TIAM1: variants seen among roughly 807,000 people sequenced by gnomAD.
TIAM1 encodes rho guanine nucleotide exchange factor TIAM1.
Under a neutral mutation model 163.5 loss-of-function variants are expected in TIAM1, and 65 were observed. That is an observed-to-expected ratio of 0.40 (90% CI 0.33 to 0.49). The LOEUF is 0.49. TIAM1 is among the 20% of genes least tolerant of loss of function. The probability of loss-of-function intolerance (pLI) is 0.77; values close to 1 mark genes in which losing one functional copy is unlikely to be tolerated. For missense variants in TIAM1, 1,789 were observed against 2,044.7 expected, an observed-to-expected ratio of 0.87 and a Z score of 2.41; for synonymous variants, 833 against 810.1, an observed-to-expected ratio of 1.03 and a Z score of -0.48.
chr21:31,338,839 C>T (rs751113053), intron 2 of TIAM1, among the ~76,000 whole-genome samples: 2 of 152,134 alleles, frequency 1.3e-5, no homozygotes, highest in African/African-American at 4.8e-5. Context: ...CTTACCCTGT[C>T]GCATTGAAAG....
intron 7 of TIAM1, among the ~76,000 whole-genome samples, chr21:31,224,816 C>A (rs1038679149): frequency 2.4e-4 from 37 of 152,168 alleles, no homozygotes; most frequent in African/African-American, 8.7e-4. Context: ...ATTTAAATAT[C>A]ATTTATTCAT....
At chr21:31,248,487 C>T (rs2071624524) in intron 5 of TIAM1, among the ~76,000 whole-genome samples, 1 of 152,178 alleles carries the variant, frequency 6.6e-6, no homozygotes, top group Non-Finnish European at 1.5e-5. Context: ...CCTTCATCTT[C>T]CCTGGAACAT....
At position 31,141,015 on chromosome 21, in the gene TIAM1, T is replaced by G. The variant is rs1000684985; in HGVS notation, c.3774+103A>C. 4.7e-6 allele frequency: 4 copies of G among 857,952 alleles called. No homozygotes were observed. The highest frequency in any genetic ancestry group is 7.1e-6 in the Non-Finnish European group (4 of 564,798). The allele number at this position is 857,952 out of a possible 1,614,324, so 53.1% of individuals were successfully genotyped here. A position where few individuals can be genotyped will look rare whatever the true frequency, so the allele number is the denominator to read the frequency against. Reference sequence around the variant, plus strand: ...AAGAAAAACAACAGCATCCTAACTATTTTACTTACAAGTAACACCTTTTTA... The same window carrying G: ...AAGAAAAACAACAGCATCCTAACTAGTTTACTTACAAGTAACACCTTTTTA... On this transcript the variant is annotated intron_variant, in intron 22 of 27. Transcript: ENST00000541036. This position sits in a 1 kb window ranked among gnomAD's most constrained non-coding sequence, Gnocchi z 4.7.
rs191032543 is a variant in TIAM1 at position 31,537,718 on chromosome 21, C to T, written c.-422+21209G>A. 2.7e-3 allele frequency among the ~76,000 whole-genome samples: 414 copies of T among 151,642 alleles called. 2 individuals carry two copies. The highest frequency in any genetic ancestry group is 6.3e-3 in the South Asian group (30 of 4,800). ...CATGATCCAAGATCGCACCACTGCA[C>T]TCCAGCCTGGGCAACAGAGCAAGTC... On this transcript the variant is annotated intron_variant, in intron 1 of 28. Coordinates refer to the TIAM1 transcript ENST00000286827.
intron 20 of TIAM1, among the ~76,000 whole-genome samples, chr21:31,145,691 T>C (rs2083075405): frequency 6.6e-6 from 1 of 152,154 alleles, no homozygotes; most frequent in Non-Finnish European, 1.5e-5. Context: ...CAAGGATAAC[T>C]GAGACAACTT....
intron 6 of TIAM1, among the ~76,000 whole-genome samples, chr21:31,228,243 A>AGGAG (rs1569068912): frequency 0.021 from 1,065 of 51,768 alleles, 108 homozygotes; most frequent in South Asian, 0.05. Context: ...AAAAAAAAAA[A>AGGAG]AAAAAAAAAA....
chr21:31,422,904 C>A (rs1442818779), intron 2 of TIAM1, among the ~76,000 whole-genome samples: 1 of 152,086 alleles, frequency 6.6e-6, no homozygotes, highest in East Asian at 1.9e-4. Flanking sequence ...ATTGCTCCTG[C>A]AGCACACTGG....
chr21:31,453,116 G>T, intron 2 of TIAM1: 1 of 324,366 alleles, frequency 3.1e-6, no homozygotes, highest in South Asian at 3.4e-5. Flanking sequence ...CCGAGACAGT[G>T]ATGAGGATTC....
intron 1 of TIAM1, among the ~76,000 whole-genome samples, chr21:31,468,693 G>A (rs1336455950): frequency 6.6e-6 from 1 of 151,742 alleles, no homozygotes; most frequent in Non-Finnish European, 1.5e-5. Context: ...GGAGAATGGC[G>A]TGAACCCGGG....
intron 2 of TIAM1, among the ~76,000 whole-genome samples, chr21:31,369,258 T>G (rs1318701773): frequency 6.9e-6 from 1 of 145,572 alleles, no homozygotes; most frequent in Non-Finnish European, 1.5e-5. Context: ...AAAGGGATGA[T>G]AATGAGGAAG....
chr21:31,143,102 G>A (rs1421536607), intron 20 of TIAM1, among the ~76,000 whole-genome samples: 1 of 152,052 alleles, frequency 6.6e-6, no homozygotes, highest in Non-Finnish European at 1.5e-5. Flanking sequence ...TGGGCACTCT[G>A]GACGTTTCCA....
In TIAM1 at chr21:31,266,188, G is replaced by A. The variant is rs761270656; in HGVS notation, c.785C>T (p.Ser262Phe). Residue 262 changes from serine (S) to phenylalanine (F), a missense_variant, in exon 4 of 28, where the codon TCT (serine) becomes TTT (phenylalanine). This residue lies in a region of TIAM1 where 555 missense variants were observed against 564.9 expected (regional missense o/e 0.98). Transcript: ENST00000541036. ...KFAGYCRNLVSDIPNLANHKM... is the reference protein window; with the variant it reads ...KFAGYCRNLVFDIPNLANHKM... ...ATGGTTTGCAAGATTGGGAATATCA[G>A]ACACCAAATTCCGACAGTAGCCTGC... 3.7e-6 allele frequency: 6 copies of A among 1,614,006 alleles called. No individual in the cohort carries two copies. The highest frequency in any genetic ancestry group is 5.1e-6 in the Non-Finnish European group (6 of 1,180,042).
intron 26 of TIAM1, among the ~76,000 whole-genome samples, chr21:31,125,982 T>C (rs2082183186): frequency 6.6e-6 from 1 of 152,202 alleles, no homozygotes. Context: ...AAAAAATAAT[T>C]GCAGTTTTTG....
intron 2 of TIAM1, among the ~76,000 whole-genome samples, chr21:31,427,940 C>A (rs1332035909): frequency 6.6e-6 from 1 of 151,986 alleles, no homozygotes; most frequent in Admixed American, 6.5e-5. Flanking sequence ...TTCCTTGCAA[C>A]CAAAAACCAT....
At position 31,245,730 on chromosome 21, in the gene TIAM1, C is replaced by T. The variant is rs2071468434; in HGVS notation, c.1412-70G>A. ...GAAACAAAAGAACCCACAGTTGAACCTAACATGTGCACCCTGTCAGAGGCT... is the reference window on the plus strand; with the variant it reads ...GAAACAAAAGAACCCACAGTTGAACTTAACATGTGCACCCTGTCAGAGGCT... On this transcript the variant is annotated intron_variant, in intron 5 of 27. Coordinates refer to ENST00000541036, the MANE Select transcript of TIAM1 (RefSeq NM_001353694.2). 7 of 1,281,238 alleles carry T rather than the reference C, an allele frequency of 5.5e-6. No individual in the cohort carries two copies. In the South Asian group the frequency reaches 1.4e-4, roughly 26 times the overall value. The allele number at this position is 1,281,238 out of a possible 1,614,324, so 79.4% of individuals were successfully genotyped here. A position where few individuals can be genotyped will look rare whatever the true frequency, so the allele number is the denominator to read the frequency against.
intron 2 of TIAM1, among the ~76,000 whole-genome samples, chr21:31,300,530 C>T (rs557694917): frequency 1.3e-5 from 2 of 152,306 alleles, no homozygotes; most frequent in South Asian, 4.1e-4. Flanking sequence ...TGGGGGCATC[C>T]TGAACCCCTC....
intron 2 of TIAM1, among the ~76,000 whole-genome samples, chr21:31,364,196 C>T (rs185709802): frequency 3.4e-4 from 52 of 152,314 alleles, no homozygotes; most frequent in Non-Finnish European, 6.9e-4. Context: ...TAGTATCCCC[C>T]GTTCCTAAAG....
At chr21:31,548,645 G>C (rs1378423111) in intron 1 of TIAM1, among the ~76,000 whole-genome samples, 1 of 150,888 alleles carries the variant, frequency 6.6e-6, no homozygotes, top group African/African-American at 2.4e-5. Flanking sequence ...GCACCACCAT[G>C]CCCAGCTAAT....
intron 6 of TIAM1, among the ~76,000 whole-genome samples, chr21:31,242,302 T>C (rs2071223268): frequency 6.6e-6 from 1 of 152,012 alleles, no homozygotes; most frequent in Non-Finnish European, 1.5e-5. Flanking sequence ...GGAAGATCAC[T>C]TGAGGCCAGG....
Sources: allele counts gnomAD v4.1 joint callset (sites outside exome capture counted in the v4.1 genomes callset), GRCh38; gene constraint gnomAD v4.1.1; regional missense constraint gnomAD v4.1.1; non-coding constraint Gnocchi (gnomAD v3.1); transcripts MANE v1.5; gene names NCBI Gene and HGNC (gene_info 2026-07-23, HGNC 2026-07-21).